The following LSM14A variants were observed in gnomAD, a reference collection of about 807,000 sequenced individuals.
LSM14A encodes LSM14A mRNA processing body assembly factor.
LSM14A carries 14 observed loss-of-function variants against 52.4 expected under a neutral mutation model. That is an observed-to-expected ratio of 0.27 (90% CI 0.18 to 0.42). The LOEUF is 0.42. Among genes scored for constraint, LSM14A ranks in the 10% least tolerant of loss-of-function variants. The pLI is 1.00. For synonymous variants in LSM14A, 185 were observed against 200.3 expected, an observed-to-expected ratio of 0.92 and a Z score of 0.64; for missense variants, 417 against 581.8, an observed-to-expected ratio of 0.72 and a Z score of 2.91.
chr19:34,188,298 A>G (rs1351130429), intron 1 of LSM14A, among the ~76,000 whole-genome samples: 1 of 152,168 alleles, frequency 6.6e-6, no homozygotes, highest in Non-Finnish European at 1.5e-5. Flanking sequence ...TCTCAAAAAA[A>G]GAAAGAAAAA....
In LSM14A at chr19:34,208,922, C is replaced by A; in HGVS notation, c.416-7C>A. ...ATTTTTTTATCATTTAAAAACATCTCTTTAAGCTGGAAGCTCTTTGACATC... is the reference window on the plus strand; with the variant it reads ...ATTTTTTTATCATTTAAAAACATCTATTTAAGCTGGAAGCTCTTTGACATC... On this transcript the variant is annotated splice_polypyrimidine_tract_variant and splice_region_variant and intron_variant, in intron 3 of 9. Transcript: ENST00000544216. 3 of 1,570,276 alleles carry A rather than the reference C, an allele frequency of 1.9e-6. No individual in the cohort carries two copies. Among genetic ancestry groups the A allele is most frequent in the Non-Finnish European group, 1.7e-6 (2 of 1,159,508 alleles).
intron 9 of LSM14A, among the ~76,000 whole-genome samples, chr19:34,223,078 CT>C (rs1010370480): frequency 4.0e-5 from 6 of 151,670 alleles, no homozygotes; most frequent in African/African-American, 9.7e-5. Flanking sequence ...ACTCTTCATT[CT>C]TTTTTTTGGG....
At chr19:34,196,902 C>A in intron 3 of LSM14A, 139 bp downstream of exon 3, 1 of 695,384 alleles carries the variant, frequency 1.4e-6, no homozygotes, top group Non-Finnish European at 2.2e-6. Flanking sequence ...ATTCAGAACA[C>A]ATTTTGATGA....
intron 6 of LSM14A, among the ~76,000 whole-genome samples, 191 bp from the exon 7 acceptor site, chr19:34,219,200 C>T (rs1373987841): frequency 6.6e-6 from 1 of 152,054 alleles, no homozygotes; most frequent in African/African-American, 2.4e-5. Context: ...TATTCTCAGT[C>T]TACATATTAA....
rs1306000214 is a variant in LSM14A, at chr19:34,192,316, G to GTTTTTTTTTTTTT, written c.122-2160_122-2159insTTTTTTTTTTTTT. ...TTTACACTGAAATAACATTCTTTTT[G>GTTTTTTTTTTTTT]TTGTTTTTTTTTTTTTTTTTTTTTT... On this transcript the variant is annotated intron_variant, in intron 1 of 9. Coordinates refer to ENST00000544216, the MANE Select transcript of LSM14A (RefSeq NM_015578.4). Among the ~76,000 whole-genome samples the GTTTTTTTTTTTTT allele has an allele frequency of 5.2e-4, 34 of 65,772 alleles. 1 individual carries two copies. Among genetic ancestry groups the GTTTTTTTTTTTTT allele is most frequent in the Non-Finnish European group, 7.2e-4 (25 of 34,540 alleles). The allele number at this position is 65,772 out of a possible 152,430, so 43.1% of individuals were successfully genotyped here. A position where few individuals can be genotyped will look rare whatever the true frequency, so the allele number is the denominator to read the frequency against.
At chr19:34,186,556 A>G (rs1198571982) in intron 1 of LSM14A, among the ~76,000 whole-genome samples, 1 of 152,186 alleles carries the variant, frequency 6.6e-6, no homozygotes, top group Non-Finnish European at 1.5e-5. Context: ...CTGTGTTTGT[A>G]TATGCACATC....
intron 1 of LSM14A, among the ~76,000 whole-genome samples, chr19:34,174,303 G>T (rs1201384797): frequency 6.6e-6 from 1 of 152,190 alleles, no homozygotes; most frequent in Non-Finnish European, 1.5e-5. Context: ...TACCTGGGTA[G>T]GGAACCTTTT....
At chr19:34,179,950 C>T (rs2145497640) in intron 1 of LSM14A, among the ~76,000 whole-genome samples, 1 of 152,232 alleles carries the variant, frequency 6.6e-6, no homozygotes, top group Non-Finnish European at 1.5e-5. Flanking sequence ...TGTTTTGAGA[C>T]AAGAGTCTCA....
intron 1 of LSM14A, among the ~76,000 whole-genome samples, chr19:34,185,473 C>T (rs1006452924): frequency 2.0e-5 from 3 of 152,052 alleles, no homozygotes; most frequent in Admixed American, 6.5e-5. Flanking sequence ...GAAGAGAGTG[C>T]AGATGTGCAA....
chr19:34,216,833 T>C (rs2072639910), intron 6 of LSM14A, among the ~76,000 whole-genome samples: 1 of 152,238 alleles, frequency 6.6e-6, no homozygotes, highest in African/African-American at 2.4e-5. Flanking sequence ...CATTTTCCTA[T>C]GGCTTCTACT....
chr19:34,205,487 CAAAAAAAAAAAAAAAAAAAAA>C (rs140536208), intron 3 of LSM14A, among the ~76,000 whole-genome samples: 2 of 95,186 alleles, frequency 2.1e-5, no homozygotes. Flanking sequence ...CTCCATCTCA[CAAAAAAAAAAAAAAAAAAAAA>C]AAAAAAAAAT....
intron 1 of LSM14A, among the ~76,000 whole-genome samples, chr19:34,191,961 C>T (rs892937413): frequency 1.3e-5 from 2 of 152,110 alleles, no homozygotes; most frequent in South Asian, 2.1e-4. Flanking sequence ...TAGGGCATTC[C>T]GCAGTCCCTG....
intron 1 of LSM14A, among the ~76,000 whole-genome samples, chr19:34,173,322 C>T (rs916725339): frequency 3.9e-5 from 6 of 152,190 alleles, no homozygotes; most frequent in Admixed American, 2.0e-4. Flanking sequence ...CTCGGCTCAT[C>T]CTCTGTTGGT....
rs114869990 is a variant in LSM14A at position 34,176,789 on chromosome 19, A to G, written c.121+4026A>G. On this transcript the variant is annotated intron_variant, in intron 1 of 9. Coordinates refer to ENST00000544216, the MANE Select transcript of LSM14A (RefSeq NM_015578.4). ...GTTTATTTCGTTTTCTTGAGATTAT[A>G]TACTTAGAATTTGAATTGCAAGAAC... 7.0e-3 allele frequency among the ~76,000 whole-genome samples: 1,065 copies of G among 152,336 alleles called. 16 individuals carry two copies. The highest frequency in any genetic ancestry group is 0.025 in the African/African-American group (1,019 of 41,574).
At chr19:34,174,572 T>C (rs2068950152) in intron 1 of LSM14A, among the ~76,000 whole-genome samples, 1 of 152,164 alleles carries the variant, frequency 6.6e-6, no homozygotes, top group South Asian at 2.1e-4. Context: ...TGATGGATGG[T>C]ATTTGGTGTT....
chr19:34,180,978 G>A (rs1380201143), intron 1 of LSM14A, among the ~76,000 whole-genome samples: 2 of 152,008 alleles, frequency 1.3e-5, no homozygotes, highest in Non-Finnish European at 1.5e-5. Context: ...CCCCTTAACC[G>A]TGCTTTCTAT....
intron 1 of LSM14A, among the ~76,000 whole-genome samples, chr19:34,173,789 G>C (rs1174787903): frequency 1.3e-5 from 2 of 152,150 alleles, no homozygotes; most frequent in African/African-American, 4.8e-5. Flanking sequence ...GCATAGCATG[G>C]TTAGGGACCC....
At position 34,209,064 on chromosome 19, in the gene LSM14A, A is replaced by T. The variant is rs746341113; in HGVS notation, c.538+13A>T. 18 of 1,520,130 alleles carry T rather than the reference A, an allele frequency of 1.2e-5. No individual in the cohort carries two copies. In the East Asian group the frequency reaches 4.1e-4, roughly 35 times the overall value. 94.2% of individuals were successfully genotyped at this position (1,520,130 alleles called of 1,614,324 possible). A position where few individuals can be genotyped will look rare whatever the true frequency, so the allele number is the denominator to read the frequency against. On this transcript the variant is annotated intron_variant, in intron 4 of 9. Transcript: ENST00000544216. ...CAGTTATCTCAAGGTAAGCTATCTC[A>T]TCCCTAAAATATTTCCATTCTAAAC...
intron 4 of LSM14A, among the ~76,000 whole-genome samples, chr19:34,210,735 G>A (rs964302151): frequency 6.6e-6 from 1 of 151,340 alleles, no homozygotes; most frequent in Admixed American, 6.6e-5. Flanking sequence ...TCACAAGCAA[G>A]CACCACCAGC....
Sources: gnomAD v4.1 joint callset for allele counts (sites outside exome capture counted in the v4.1 genomes callset) on GRCh38, gnomAD v4.1.1 for gene constraint, MANE v1.5 for transcripts, NCBI Gene and HGNC (gene_info 2026-07-23, HGNC 2026-07-21) for gene names.